AFG2A: variants seen among roughly 807,000 people sequenced by gnomAD.
AFG2A encodes the protein AAA ATPase AFG2A.
the AFG2A span, among the ~76,000 whole-genome samples, chr4:123,169,035 C>T: frequency 3.3e-5 from 5 of 152,074 alleles, no homozygotes; most frequent in East Asian, 1.9e-4. Flanking sequence ...GCCAGTGATG[C>T]GAATAGAAAC....
the AFG2A span, among the ~76,000 whole-genome samples, chr4:123,127,254 A>C: frequency 6.6e-6 from 1 of 152,186 alleles, no homozygotes; most frequent in Non-Finnish European, 1.5e-5. Context: ...AAATCTCTTT[A>C]GTTTTCACAG....
At chr4:123,244,710 G>A in the AFG2A span, among the ~76,000 whole-genome samples, 5 of 152,078 alleles carry the variant, frequency 3.3e-5, no homozygotes, top group Non-Finnish European at 5.9e-5. Context: ...TTTAAAAATC[G>A]TTTATATGTA....
At chr4:123,160,949 G>A in the AFG2A span, among the ~76,000 whole-genome samples, 1 of 152,158 alleles carries the variant, frequency 6.6e-6, no homozygotes, top group Non-Finnish European at 1.5e-5. Context: ...TTATGTAAAT[G>A]TGTTCTCTGT....
At chr4:122,970,662 A>C in the AFG2A span, among the ~76,000 whole-genome samples, 1 of 151,958 alleles carries the variant, frequency 6.6e-6, no homozygotes, top group African/African-American at 2.4e-5. Context: ...ACAGGTTTGT[A>C]GCTTAGAAGC....
the AFG2A span, among the ~76,000 whole-genome samples, chr4:123,299,936 A>G: frequency 6.6e-6 from 1 of 152,200 alleles, no homozygotes; most frequent in East Asian, 1.9e-4. Flanking sequence ...TGATTTATTC[A>G]TGAAAAACAA....
the AFG2A span, among the ~76,000 whole-genome samples, chr4:123,230,624 A>G: frequency 6.6e-6 from 1 of 151,948 alleles, no homozygotes; most frequent in African/African-American, 2.4e-5. Context: ...CCCCTGAGTC[A>G]TGAATGTTCT....
the AFG2A span, among the ~76,000 whole-genome samples, chr4:123,299,653 T>G: frequency 6.6e-6 from 1 of 152,152 alleles, no homozygotes. Flanking sequence ...CAATGATACT[T>G]TGTTTGTTTG....
At chr4:122,936,622 A>T in the AFG2A span, among the ~76,000 whole-genome samples, 1 of 152,154 alleles carries the variant, frequency 6.6e-6, no homozygotes, top group African/African-American at 2.4e-5. Flanking sequence ...AGGCAGGAGG[A>T]TTGCTTGACC....
At chr4:123,081,629 A>G in the AFG2A span, among the ~76,000 whole-genome samples, 2 of 152,202 alleles carry the variant, frequency 1.3e-5, no homozygotes, top group African/African-American at 2.4e-5. Flanking sequence ...TAAGTTTTCT[A>G]TTCCTTTTGA....
At chr4:123,124,464 A>T in the AFG2A span, among the ~76,000 whole-genome samples, 2 of 152,188 alleles carry the variant, frequency 1.3e-5, no homozygotes, top group South Asian at 4.1e-4. Flanking sequence ...CAGGAAGGGG[A>T]ACATCACATA....
the AFG2A span, among the ~76,000 whole-genome samples, chr4:123,079,726 C>CTTT: frequency 8.0e-6 from 1 of 124,352 alleles, no homozygotes; most frequent in Non-Finnish European, 1.7e-5. Context: ...TTAACTCCAG[C>CTTT]TTTTTTTTTC....
the AFG2A span, chr4:122,927,696 A>C: frequency 7.4e-6 from 12 of 1,613,114 alleles, no homozygotes; most frequent in African/African-American, 1.6e-4. Context: ...CAACACTATG[A>C]AGTCTGCAAA....
chr4:123,297,387 A>T, the AFG2A span, among the ~76,000 whole-genome samples: 4 of 152,150 alleles, frequency 2.6e-5, no homozygotes, highest in African/African-American at 9.7e-5. Context: ...TATAGCCCAA[A>T]ATGTTACCTA....
chr4:123,247,727 T>C, the AFG2A span, among the ~76,000 whole-genome samples: 1 of 152,274 alleles, frequency 6.6e-6, no homozygotes, highest in African/African-American at 2.4e-5. Context: ...CCACTGTGCC[T>C]AGCCTGATTG....
At chr4:123,218,936 G>A in the AFG2A span, among the ~76,000 whole-genome samples, 1 of 152,162 alleles carries the variant, frequency 6.6e-6, no homozygotes, top group African/African-American at 2.4e-5. Flanking sequence ...ATTAACCACT[G>A]TATTAAAGTT....
At chr4:122,974,870 T>A in the AFG2A span, among the ~76,000 whole-genome samples, 1 of 152,008 alleles carries the variant, frequency 6.6e-6, no homozygotes, top group African/African-American at 2.4e-5. Flanking sequence ...GAACTCTTGA[T>A]CTCAGGTGAT....
the AFG2A span, among the ~76,000 whole-genome samples, chr4:123,006,660 A>G: frequency 6.6e-6 from 1 of 151,988 alleles, no homozygotes; most frequent in South Asian, 2.1e-4. Context: ...GCCTTTTAAT[A>G]TTGTGGACAT....
At chr4:123,158,615 C>T in the AFG2A span, among the ~76,000 whole-genome samples, 1 of 152,066 alleles carries the variant, frequency 6.6e-6, no homozygotes, top group Non-Finnish European at 1.5e-5. Flanking sequence ...TCAAGAAATA[C>T]AGAGTACATA....
At chr4:123,175,965 G>GAATT in the AFG2A span, among the ~76,000 whole-genome samples, 2 of 152,270 alleles carry the variant, frequency 1.3e-5, no homozygotes, top group South Asian at 4.1e-4. Context: ...TGTTAGGAGG[G>GAATT]AATTATAAGA....
Sources: gnomAD v4.1 joint callset for allele counts (sites outside exome capture counted in the v4.1 genomes callset) on GRCh38, gnomAD v4.1.1 for gene constraint, MANE v1.5 for transcripts, NCBI Gene and HGNC (gene_info 2026-07-23, HGNC 2026-07-21) for gene names.